The following STYK1 variants were observed in gnomAD, a reference collection of about 807,000 sequenced individuals.
STYK1 encodes STY kinase 1.
In STYK1, 46 loss-of-function variants were observed where a neutral mutation model predicts 48.1. That is an observed-to-expected ratio of 0.96 (90% CI 0.75 to 1.22). STYK1 has a LOEUF of 1.22. Ranked by LOEUF, STYK1 falls within the 50% of genes most tolerant of loss-of-function variation. The pLI is 0.00. For missense variants in STYK1, 527 were observed against 521.1 expected (o/e 1.01, Z -0.11); for synonymous variants, 188 against 189.0 (o/e 0.99, Z 0.04).
At chr12:10,666,668 G>A (rs570183717) in intron 1 of STYK1, among the ~76,000 whole-genome samples, 10 of 152,138 alleles carry the variant, frequency 6.6e-5, no homozygotes, top group Non-Finnish European at 8.8e-5. Flanking sequence ...TCATGGGGGC[G>A]GTTTCCACCA....
intron 8 of STYK1, among the ~76,000 whole-genome samples, 153 bp downstream of exon 8, chr12:10,624,498 A>C (rs949941562): frequency 6.6e-6 from 1 of 152,118 alleles, no homozygotes; most frequent in African/African-American, 2.4e-5. Context: ...GACAAACATG[A>C]ACTCTGTCAC....
chr12:10,653,386 A>T (rs990984171), intron 1 of STYK1, among the ~76,000 whole-genome samples: 1 of 152,132 alleles, frequency 6.6e-6, no homozygotes, highest in Admixed American at 6.5e-5. Context: ...GTTGCATGTA[A>T]AGTATTTGAG....
intron 2 of STYK1, among the ~76,000 whole-genome samples, 177 bp downstream of exon 2, chr12:10,636,894 T>G (rs547454819): frequency 6.6e-6 from 1 of 152,234 alleles, no homozygotes; most frequent in South Asian, 2.1e-4. Flanking sequence ...TAATACATAC[T>G]GAAGGGAGTC....
At chr12:10,630,608 C>T (rs893071675) in intron 5 of STYK1, among the ~76,000 whole-genome samples, 1 of 150,498 alleles carries the variant, frequency 6.6e-6, no homozygotes, top group Admixed American at 6.7e-5. Context: ...CAAATCAATT[C>T]TGTGACATAC....
intron 5 of STYK1, 36 bp downstream of exon 5, chr12:10,631,009 T>G (rs1472156130): frequency 1.3e-5 from 21 of 1,606,562 alleles, no homozygotes; most frequent in Non-Finnish European, 1.8e-5. Flanking sequence ...ATATTTACTG[T>G]TAGGGGAAGG....
chr12:10,652,828 A>C (rs1947676442), intron 1 of STYK1, among the ~76,000 whole-genome samples: 1 of 152,206 alleles, frequency 6.6e-6, no homozygotes, highest in South Asian at 2.1e-4. Context: ...ATTTGCACCA[A>C]TATAGTCTCC....
At chr12:10,656,912 G>T (rs1176456829) in intron 1 of STYK1, among the ~76,000 whole-genome samples, 1 of 152,118 alleles carries the variant, frequency 6.6e-6, no homozygotes, top group East Asian at 1.9e-4. Flanking sequence ...GACTTTTGTG[G>T]GTATCAGAAA....
At chr12:10,638,229 A>G (rs10492349) in intron 1 of STYK1, among the ~76,000 whole-genome samples, 32,681 of 152,192 alleles carry the variant, frequency 0.21, 3,943 homozygotes, top group Middle Eastern at 0.3. Context: ...TCCTATATCT[A>G]CAGAGCCAAA....
Position 10,634,682 on chromosome 12 carries a change from A to G in STYK1, c.-64T>C. ...GAATGCACACAGCACAGCTGTGAGT[A>G]ATTCCTAAGGATTGAGTGGTTTTTG... On this transcript the variant is annotated 5_prime_UTR_variant, in exon 3 of 11. Coordinates refer to ENST00000075503, the MANE Select transcript of STYK1 (RefSeq NM_018423.3). 1.3e-6 allele frequency: 2 copies of G among 1,575,276 alleles called. No homozygotes were observed. Among genetic ancestry groups the G allele is most frequent in the Non-Finnish European group, 1.7e-6 (2 of 1,151,814 alleles).
intron 1 of STYK1, among the ~76,000 whole-genome samples, chr12:10,640,996 A>G (rs949473972): frequency 1.3e-5 from 2 of 152,222 alleles, no homozygotes; most frequent in African/African-American, 4.8e-5. Flanking sequence ...GCTATTTTGT[A>G]TGTACCCAAT....
At position 10,671,077 on chromosome 12, in the gene STYK1, G is replaced by C. The variant is rs189525320; in HGVS notation, c.-195+2889C>G. Among the ~76,000 whole-genome samples the C allele has an allele frequency of 4.3e-3, 624 of 144,402 alleles. 5 individuals are homozygous for C. Among genetic ancestry groups the C allele is most frequent in the African/African-American group, 0.015 (573 of 38,794 alleles). 94.7% of individuals were successfully genotyped at this position (144,402 alleles called of 152,430 possible). The stretch of plus-strand genomic sequence containing the variant: ...GTGGCGCGACCTCAGCTCACTGCAA[G>C]CTCCGCCTCCTGGATTCACGCCATT... On this transcript the variant is annotated intron_variant, in intron 1 of 10. Transcript: ENST00000075503.
chr12:10,652,525 T>C (rs951152474), intron 1 of STYK1, among the ~76,000 whole-genome samples: 2 of 152,208 alleles, frequency 1.3e-5, no homozygotes, highest in African/African-American at 4.8e-5. Flanking sequence ...TCTCCTGTCA[T>C]GTAGACAGGC....
At chr12:10,663,341 G>A (rs537711911) in intron 1 of STYK1, among the ~76,000 whole-genome samples, 7 of 152,176 alleles carry the variant, frequency 4.6e-5, no homozygotes, top group East Asian at 3.9e-4. Flanking sequence ...TTACAGGCGC[G>A]GTGGCTCACG....
intron 1 of STYK1, among the ~76,000 whole-genome samples, chr12:10,657,738 T>C (rs10083164): frequency 0.29 from 43,852 of 152,154 alleles, 7,976 homozygotes; most frequent in East Asian, 0.7. Context: ...CCTTATCTTG[T>C]ACTTCTCTCT....
intron 7 of STYK1, among the ~76,000 whole-genome samples, chr12:10,626,175 G>T (rs1376608549): frequency 6.6e-6 from 1 of 152,098 alleles, no homozygotes; most frequent in Admixed American, 6.5e-5. Flanking sequence ...AAGAATTAAA[G>T]AATGTAACTG....
At chr12:10,641,704 T>C (rs568910145) in intron 1 of STYK1, among the ~76,000 whole-genome samples, 34 of 152,348 alleles carry the variant, frequency 2.2e-4, no homozygotes, top group African/African-American at 7.9e-4. Flanking sequence ...ATAAAATTTC[T>C]ATATGTAGAA....
intron 2 of STYK1, among the ~76,000 whole-genome samples, chr12:10,635,090 A>AT (rs913325599): frequency 6.6e-5 from 10 of 151,926 alleles, no homozygotes; most frequent in South Asian, 2.1e-4. Flanking sequence ...TGTCTAATAT[A>AT]TTTTTTTTAG....
At chr12:10,626,583 A>C (rs1947361315) in intron 7 of STYK1, among the ~76,000 whole-genome samples, 1 of 152,210 alleles carries the variant, frequency 6.6e-6, no homozygotes, top group African/African-American at 2.4e-5. Context: ...GATTTTCCAT[A>C]GCAAATGTTA....
chr12:10,622,540 A>T, intron 9 of STYK1, 98 bp downstream of exon 9: 1 of 1,384,450 alleles, frequency 7.2e-7, no homozygotes, highest in Non-Finnish European at 1.0e-6. Context: ...TCAGCACTGT[A>T]CTGAAACCCT....
Sources: allele counts gnomAD v4.1 joint callset (sites outside exome capture counted in the v4.1 genomes callset), GRCh38; gene constraint gnomAD v4.1.1; transcripts MANE v1.5; gene names NCBI Gene and HGNC (gene_info 2026-07-23, HGNC 2026-07-21).